The following LPP variants were observed in gnomAD, a reference collection of about 807,000 sequenced individuals.
LPP encodes the protein lipoma-preferred partner.
LPP carries 38 observed loss-of-function variants against 60.4 expected under a neutral mutation model. The observed-to-expected ratio is 0.63, with a 90% CI of 0.49 to 0.83. The LOEUF (loss-of-function observed/expected upper bound fraction) is 0.83, where lower values mean the gene tolerates loss of function less well. Ranked by LOEUF, LPP falls within the 40% of genes least tolerant of loss-of-function variation. The pLI is 0.00. For synonymous variants in LPP, 328 were observed against 290.8 expected, an observed-to-expected ratio of 1.13 and a Z score of -1.30; for missense variants, 902 against 783.6, an observed-to-expected ratio of 1.15 and a Z score of -1.80.
intron 4 of LPP, among the ~76,000 whole-genome samples, chr3:188,421,594 T>G (rs1787816764): frequency 6.6e-6 from 1 of 152,188 alleles, no homozygotes; most frequent in South Asian, 2.1e-4. Flanking sequence ...GCTACTGGGT[T>G]ATATAATGAT....
intron 2 of LPP, among the ~76,000 whole-genome samples, chr3:188,262,206 A>C (rs1236926342): frequency 1.3e-5 from 2 of 152,172 alleles, no homozygotes; most frequent in Non-Finnish European, 2.9e-5. Context: ...TTTCCTTTAC[A>C]AAAATGAGGA....
At chr3:188,631,406 C>A (rs904613982) in intron 7 of LPP, among the ~76,000 whole-genome samples, 1 of 152,146 alleles carries the variant, frequency 6.6e-6, no homozygotes, top group African/African-American at 2.4e-5. Flanking sequence ...CTTACTCTTA[C>A]TGCAGATTCA....
rs571169767 is a variant in LPP, at chr3:188,703,848, G to A, written c.1114-4419G>A. Among the ~76,000 whole-genome samples, 3 of 152,252 alleles carry A rather than the reference G, an allele frequency of 2.0e-5. No homozygotes were observed. In the South Asian group the frequency reaches 6.2e-4, roughly 32 times the overall value. ...TTTATACTTGAAATGTAAGTGCTAG[G>A]GGTAGAATCTAAATTTCTGGCTTAG... On this transcript the variant is annotated intron_variant, in intron 7 of 11. Transcript: ENST00000617246.
At chr3:188,435,090 A>C (rs755096867) in intron 4 of LPP, among the ~76,000 whole-genome samples, 7 of 152,226 alleles carry the variant, frequency 4.6e-5, no homozygotes, top group Non-Finnish European at 1.0e-4. Flanking sequence ...TAGAAGTAAA[A>C]TATAAAAACT....
intron 3 of LPP, among the ~76,000 whole-genome samples, chr3:188,397,983 G>A (rs900577810): frequency 2.8e-4 from 43 of 152,082 alleles, no homozygotes; most frequent in Non-Finnish European, 4.9e-4. Flanking sequence ...TTGCTGCTTC[G>A]TAGTTTATTT....
At chr3:188,649,775 C>T (rs1851744076) in intron 7 of LPP, among the ~76,000 whole-genome samples, 1 of 152,088 alleles carries the variant, frequency 6.6e-6, no homozygotes, top group Non-Finnish European at 1.5e-5. Context: ...TTCCTGTCTT[C>T]AAGAGTCTCA....
chr3:188,475,025 T>A (rs1802812259), intron 4 of LPP, among the ~76,000 whole-genome samples: 1 of 152,262 alleles, frequency 6.6e-6, no homozygotes, highest in Non-Finnish European at 1.5e-5. Context: ...ATCCATTTAA[T>A]GTTTTCTACT....
intron 2 of LPP, among the ~76,000 whole-genome samples, chr3:188,231,138 C>T (rs1719802075): frequency 6.6e-6 from 1 of 152,208 alleles, no homozygotes; most frequent in Admixed American, 6.5e-5. Flanking sequence ...GGAGGTGACA[C>T]ACTGTTCCCT....
Position 188,668,830 on chromosome 3 carries a change from T to C in LPP, c.1114-39437T>C, listed in dbSNP as rs552860240. Among the ~76,000 whole-genome samples, 6 of 152,346 alleles carry C rather than the reference T, an allele frequency of 3.9e-5. No homozygotes were observed. In the East Asian group the frequency reaches 9.6e-4, roughly 24 times the overall value. On this transcript the variant is annotated intron_variant, in intron 7 of 11. Transcript: ENST00000617246. Reference sequence around the variant, plus strand: ...CTTGCTGCTTATTGTTCATACTCTTTATCGCTTCTCAGCTTTTTGGCTAAG... The same window carrying C: ...CTTGCTGCTTATTGTTCATACTCTTCATCGCTTCTCAGCTTTTTGGCTAAG...
At chr3:188,658,078 T>C (rs974719588) in intron 7 of LPP, among the ~76,000 whole-genome samples, 2 of 128,052 alleles carry the variant, frequency 1.6e-5, no homozygotes, top group African/African-American at 6.0e-5. Context: ...AACCAGTGTT[T>C]TGTTTTTGAA....
At chr3:188,439,767 G>C (rs1202339059) in intron 4 of LPP, among the ~76,000 whole-genome samples, 1 of 152,182 alleles carries the variant, frequency 6.6e-6, no homozygotes, top group African/African-American at 2.4e-5. Flanking sequence ...CATGGTAGCT[G>C]CCCTTGGGAA....
chr3:188,497,474 TA>T (rs1165112508), intron 5 of LPP, among the ~76,000 whole-genome samples: 6 of 152,364 alleles, frequency 3.9e-5, no homozygotes, highest in African/African-American at 1.4e-4. Flanking sequence ...GAGCAATGAA[TA>T]ATTGCATAAC....
At chr3:188,758,129 G>T (rs1234553340) in intron 8 of LPP, among the ~76,000 whole-genome samples, 1 of 151,934 alleles carries the variant, frequency 6.6e-6, no homozygotes, top group Non-Finnish European at 1.5e-5. Context: ...TGACAGCTTA[G>T]TTTCCAATAC....
Position 188,616,921 on chromosome 3 carries a change from A to G in LPP, c.1113+7077A>G, listed in dbSNP as rs180941936. Among the ~76,000 whole-genome samples the G allele has an allele frequency of 6.2e-4, 95 of 152,296 alleles. No individual in the cohort carries two copies. In the East Asian group the frequency reaches 7.1e-3, roughly 11 times the overall value. On this transcript the variant is annotated intron_variant, in intron 7 of 11. Coordinates refer to ENST00000617246, the MANE Select transcript of LPP (RefSeq NM_001375462.1). ...TATAGAAATAGCAATAGATTTTTAT[A>G]TACTCCCTTTGTATCCTATAACTTG...
At chr3:188,840,346 C>G (rs1166183478) in intron 9 of LPP, among the ~76,000 whole-genome samples, 1 of 152,132 alleles carries the variant, frequency 6.6e-6, no homozygotes. Context: ...GACCTAGAGA[C>G]TAGATACTGA....
chr3:188,343,122 C>T (rs969736193), intron 3 of LPP, among the ~76,000 whole-genome samples: 7 of 152,078 alleles, frequency 4.6e-5, no homozygotes. Context: ...CACCCATCAT[C>T]CAGGTTTTAA....
chr3:188,265,606 G>A (rs1278423149), intron 2 of LPP, among the ~76,000 whole-genome samples: 3 of 152,178 alleles, frequency 2.0e-5, no homozygotes, highest in Non-Finnish European at 2.9e-5. Flanking sequence ...ATTGGGGGAA[G>A]GATATTGTTT....
At chr3:188,602,176 T>TAATATATATATAA (rs1491164275) in intron 6 of LPP, among the ~76,000 whole-genome samples, 3 of 99,470 alleles carry the variant, frequency 3.0e-5, no homozygotes, top group African/African-American at 9.7e-5. Flanking sequence ...TATATATATA[T>TAATATATATATAA]TATATATATA....
chr3:188,817,736 A>G (rs992969993), intron 9 of LPP, among the ~76,000 whole-genome samples: 1 of 152,182 alleles, frequency 6.6e-6, no homozygotes, highest in Non-Finnish European at 1.5e-5. Flanking sequence ...CAGAACAAAA[A>G]TGGAAAACCA....
Sources: gnomAD v4.1 joint callset for allele counts (sites outside exome capture counted in the v4.1 genomes callset) on GRCh38, gnomAD v4.1.1 for gene constraint, MANE v1.5 for transcripts, NCBI Gene and HGNC (gene_info 2026-07-23, HGNC 2026-07-21) for gene names.